The following GRM3 variants were observed in gnomAD, a reference collection of about 807,000 sequenced individuals.
GRM3 encodes the protein metabotropic glutamate receptor 3.
Under a neutral mutation model 70.5 loss-of-function variants are expected in GRM3, and 26 were observed. That is an observed-to-expected ratio of 0.37 (90% CI 0.27 to 0.51). GRM3 has a LOEUF of 0.51. GRM3 is among the 20% of genes least tolerant of loss of function. The pLI is 0.93. For missense variants in GRM3, 859 were observed against 1,123.8 expected (o/e 0.76, Z 3.37); for synonymous variants, 443 against 434.9 (o/e 1.02, Z -0.23).
intron 3 of GRM3, among the ~76,000 whole-genome samples, chr7:86,835,960 G>C (rs1029294487): frequency 6.6e-6 from 1 of 151,940 alleles, no homozygotes. Context: ...GAAAACAAGC[G>C]AAAAATGTGT....
chr7:86,747,651 A>G (rs1221776359), intron 1 of GRM3, among the ~76,000 whole-genome samples: 1 of 152,108 alleles, frequency 6.6e-6, no homozygotes, highest in African/African-American at 2.4e-5. Context: ...CTGGTTGCCT[A>G]TTTGACTGAA....
intron 1 of GRM3, among the ~76,000 whole-genome samples, chr7:86,708,728 A>C (rs930220779): frequency 1.3e-5 from 2 of 152,150 alleles, no homozygotes; most frequent in Admixed American, 6.5e-5. Context: ...TCAGTTTCAA[A>C]GTAATGAGGG....
intron 1 of GRM3, among the ~76,000 whole-genome samples, chr7:86,656,656 G>A (rs1793753424): frequency 6.6e-6 from 1 of 151,872 alleles, no homozygotes; most frequent in Non-Finnish European, 1.5e-5. Context: ...ACGCTCACTT[G>A]CTTAGATACC....
intron 5 of GRM3, among the ~76,000 whole-genome samples, chr7:86,852,742 C>T (rs1037754649): frequency 6.6e-6 from 1 of 152,076 alleles, no homozygotes; most frequent in Admixed American, 6.6e-5. Flanking sequence ...GCATAAGTAA[C>T]AAATACATTC....
intron 3 of GRM3, among the ~76,000 whole-genome samples, chr7:86,827,517 C>CTT (rs574706020): frequency 8.9e-5 from 13 of 145,494 alleles, no homozygotes; most frequent in African/African-American, 1.3e-4. Context: ...ATATAAATCA[C>CTT]TTTTTTTTTT....
At chr7:86,755,347 G>T (rs950976512) in intron 1 of GRM3, among the ~76,000 whole-genome samples, 1 of 152,092 alleles carries the variant, frequency 6.6e-6, no homozygotes, top group Non-Finnish European at 1.5e-5. Context: ...ACATTCAAAA[G>T]GCTTAACAAC....
intron 2 of GRM3, among the ~76,000 whole-genome samples, chr7:86,779,833 G>C (rs1451107312): frequency 6.7e-6 from 1 of 150,082 alleles, no homozygotes; most frequent in Non-Finnish European, 1.5e-5. Context: ...GAGTTTATTT[G>C]GAAGAAAAAA....
In GRM3 at chr7:86,764,987, A is replaced by G. The variant is rs1796565874; in HGVS notation, c.-140-19A>G. 4.9e-6 allele frequency: 7 copies of G among 1,439,138 alleles called. No homozygotes were observed. The East Asian group carries it at 1.2e-4, about 24-fold the overall frequency. The allele number at this position is 1,439,138 out of a possible 1,614,324, so 89.1% of individuals were successfully genotyped here. A position where few individuals can be genotyped will look rare whatever the true frequency, so the allele number is the denominator to read the frequency against. ...TGCTTTCTTTACCATTTTTGTTCAT[A>G]TAATTTTTATCTCTTTAGGAATTTT... On this transcript the variant is annotated intron_variant, in intron 1 of 5. Coordinates refer to ENST00000361669, the MANE Select transcript of GRM3 (RefSeq NM_000840.3).
intron 1 of GRM3, among the ~76,000 whole-genome samples, chr7:86,654,542 C>G (rs571420221): frequency 2.0e-5 from 3 of 152,158 alleles, no homozygotes; most frequent in Admixed American, 6.5e-5. Context: ...ACTGCCTCCC[C>G]CAACTAGCAA....
At chr7:86,714,471 A>G (rs912646508) in intron 1 of GRM3, among the ~76,000 whole-genome samples, 5 of 151,938 alleles carry the variant, frequency 3.3e-5, no homozygotes, top group Non-Finnish European at 7.4e-5. Flanking sequence ...AGATGAAAAA[A>G]GAGTGAAAGA....
At chr7:86,739,026 G>A (rs753866819) in intron 1 of GRM3, among the ~76,000 whole-genome samples, 9 of 152,210 alleles carry the variant, frequency 5.9e-5, no homozygotes, top group Non-Finnish European at 7.3e-5. Context: ...CACCCAGGCT[G>A]GAGTGCAGTG....
intron 1 of GRM3, among the ~76,000 whole-genome samples, chr7:86,722,254 AT>A (rs1795484385): frequency 6.6e-6 from 1 of 152,130 alleles, no homozygotes; most frequent in African/African-American, 2.4e-5. Context: ...ATTACTGGGT[AT>A]ATACCCAAAG....
intron 5 of GRM3, among the ~76,000 whole-genome samples, 155 bp downstream of exon 5, chr7:86,850,699 A>G (rs1798740439): frequency 6.6e-6 from 1 of 152,168 alleles, no homozygotes. Context: ...TATTGTGCTA[A>G]GTGCTGGGGA....
chr7:86,655,356 T>C (rs1349820781), intron 1 of GRM3, among the ~76,000 whole-genome samples: 1 of 152,224 alleles, frequency 6.6e-6, no homozygotes, highest in East Asian at 1.9e-4. Context: ...TTACTGTAGG[T>C]AGGCCTGATT....
intron 3 of GRM3, among the ~76,000 whole-genome samples, chr7:86,803,628 T>G (rs539958556): frequency 1.3e-5 from 2 of 152,360 alleles, no homozygotes; most frequent in Non-Finnish European, 2.9e-5. Context: ...TTCTACTTTT[T>G]GCTGCCACTT....
chr7:86,776,665 C>T (rs1796899851), intron 2 of GRM3, among the ~76,000 whole-genome samples: 1 of 152,110 alleles, frequency 6.6e-6, no homozygotes, highest in African/African-American at 2.4e-5. Context: ...TATTGTTATA[C>T]AAGTGACTTC....
chr7:86,741,507 G>T (rs372352131), intron 1 of GRM3, among the ~76,000 whole-genome samples: 2 of 152,180 alleles, frequency 1.3e-5, no homozygotes, highest in East Asian at 3.8e-4. Flanking sequence ...ACTATATTGG[G>T]TTATCTAAAG....
intron 3 of GRM3, among the ~76,000 whole-genome samples, chr7:86,792,442 G>A (rs902768727): frequency 1.1e-4 from 17 of 152,156 alleles, no homozygotes; most frequent in African/African-American, 3.9e-4. Context: ...CCAATGTCAC[G>A]TAGGCATTAT....
At chr7:86,818,487 T>C (rs764390307) in intron 3 of GRM3, among the ~76,000 whole-genome samples, 1 of 152,100 alleles carries the variant, frequency 6.6e-6, no homozygotes, top group African/African-American at 2.4e-5. Flanking sequence ...ACCTTTTCTA[T>C]GCTCAGTTTT....
Sources: allele counts gnomAD v4.1 joint callset (sites outside exome capture counted in the v4.1 genomes callset), GRCh38; gene constraint gnomAD v4.1.1; transcripts MANE v1.5; gene names NCBI Gene and HGNC (gene_info 2026-07-23, HGNC 2026-07-21).